ZNF385D: variants seen among roughly 807,000 people sequenced by gnomAD.
ZNF385D encodes the protein zinc finger protein 385D, also known as zinc finger protein 659.
Under a neutral mutation model 35.8 loss-of-function variants are expected in ZNF385D, and 15 were observed. That is an observed-to-expected ratio of 0.42 (90% CI 0.28 to 0.64). The LOEUF (loss-of-function observed/expected upper bound fraction) is 0.64. Among genes scored for constraint, ZNF385D ranks in the 30% least tolerant of loss-of-function variants. The probability of loss-of-function intolerance (pLI) is 0.23; values close to 1 mark genes in which losing one functional copy is unlikely to be tolerated. For missense variants in ZNF385D, 474 were observed against 494.6 expected (o/e 0.96, Z 0.39); for synonymous variants, 212 against 186.8 (o/e 1.13, Z -1.10).
chr3:22,012,850 T>C (rs1696664049), intron 3 of ZNF385D, among the ~76,000 whole-genome samples: 2 of 152,164 alleles, frequency 1.3e-5, no homozygotes, highest in Admixed American at 6.6e-5. Flanking sequence ...ATTACATTTA[T>C]TTAAAATGTT....
intron 2 of ZNF385D, among the ~76,000 whole-genome samples, chr3:22,303,634 T>G (rs1321109447): frequency 6.6e-6 from 1 of 152,192 alleles, no homozygotes; most frequent in Non-Finnish European, 1.5e-5. Flanking sequence ...TAAACCATAT[T>G]GCTATAATTA....
chr3:21,813,997 A>T (rs897867249), intron 3 of ZNF385D, among the ~76,000 whole-genome samples: 3 of 152,326 alleles, frequency 2.0e-5, no homozygotes, highest in African/African-American at 7.2e-5. Context: ...GACTAACAGC[A>T]GATCTCTCGG....
At chr3:22,003,863 T>C (rs1195710343) in intron 3 of ZNF385D, among the ~76,000 whole-genome samples, 3 of 132,534 alleles carry the variant, frequency 2.3e-5, no homozygotes, top group Non-Finnish European at 3.3e-5. Flanking sequence ...CAAGACTCCA[T>C]CCCCCCACCA....
intron 3 of ZNF385D, among the ~76,000 whole-genome samples, chr3:21,862,710 C>A (rs1697123709): frequency 6.6e-6 from 1 of 152,144 alleles, no homozygotes; most frequent in South Asian, 2.1e-4. Context: ...TCCAGGCCAG[C>A]AGCTAGCTGT....
At chr3:21,701,166 T>C (rs1373520853) in intron 1 of ZNF385D, among the ~76,000 whole-genome samples, 1 of 152,194 alleles carries the variant, frequency 6.6e-6, no homozygotes, top group Admixed American at 6.5e-5. Context: ...AGGTATGTGT[T>C]GTCCATTTTC....
At chr3:21,580,304 C>T (rs12494223) in intron 2 of ZNF385D, among the ~76,000 whole-genome samples, 30,418 of 152,042 alleles carry the variant, frequency 0.2, 3,818 homozygotes, top group Non-Finnish European at 0.28. Flanking sequence ...TTAAAGTGTT[C>T]AGAGATGAGG....
intron 3 of ZNF385D, among the ~76,000 whole-genome samples, chr3:21,819,061 T>C (rs1372655538): frequency 6.6e-6 from 1 of 152,018 alleles, no homozygotes; most frequent in Non-Finnish European, 1.5e-5. Flanking sequence ...AACAGGGCCT[T>C]GTAATTTTCT....
chr3:22,076,783 T>C (rs538429525), intron 3 of ZNF385D, among the ~76,000 whole-genome samples: 1 of 151,860 alleles, frequency 6.6e-6, no homozygotes, highest in South Asian at 2.1e-4. Context: ...AAAAATATAG[T>C]GACTTATTCT....
rs141788966 is a variant in ZNF385D, at chr3:22,020,983, T to A, written c.325+147834A>T. 3.9e-3 allele frequency among the ~76,000 whole-genome samples: 591 copies of A among 152,016 alleles called. 1 individual carries two copies. Among genetic ancestry groups the A allele is most frequent in the African/African-American group, 0.014 (561 of 41,504 alleles). On this transcript the variant is annotated intron_variant, in intron 3 of 5. Coordinates refer to the ZNF385D transcript ENST00000494108. Reference sequence around the variant, plus strand: ...ATTATGTCTTTTGCAGCAATATGGATGGAACAGGAGGCCATTATCTTAGGT... The same window carrying A: ...ATTATGTCTTTTGCAGCAATATGGAAGGAACAGGAGGCCATTATCTTAGGT...
chr3:22,047,784 T>C (rs1470600045), intron 3 of ZNF385D, among the ~76,000 whole-genome samples: 1 of 152,170 alleles, frequency 6.6e-6, no homozygotes, highest in Admixed American at 6.5e-5. Flanking sequence ...TGCCAAATCA[T>C]ATGATAATTC....
chr3:21,984,928 A>C (rs1187230843), intron 3 of ZNF385D, among the ~76,000 whole-genome samples: 2 of 148,384 alleles, frequency 1.3e-5, no homozygotes, highest in Non-Finnish European at 3.0e-5. Flanking sequence ...CTTTGAAGCA[A>C]TTGTGAATGG....
intron 3 of ZNF385D, among the ~76,000 whole-genome samples, chr3:21,762,358 C>G (rs888082899): frequency 6.6e-6 from 1 of 152,118 alleles, no homozygotes. Context: ...ATCATGCTTT[C>G]TCTTTACCCG....
rs767555449 is a variant in ZNF385D at position 21,421,276 on chromosome 3, G to T, written c.1126C>A (p.Leu376Met). 6 of 1,614,030 alleles carry T rather than the reference G, an allele frequency of 3.7e-6. No homozygotes were observed. The highest frequency in any genetic ancestry group is 4.2e-6 in the Non-Finnish European group (5 of 1,180,040). The stretch of plus-strand genomic sequence containing the variant: ...CGAATGGGTCCAGGAGCTGGCCGCA[G>T]GAGTGCCGGAGGAAGCGCGGAAGTC... The part of the protein sequence containing the change: ...FQTSALPPAL[L>M]RPAPGPIRTA... Residue 376 changes from leucine to methionine, a missense_variant, in exon 8 of 8, where the codon CTG (leucine) becomes ATG (methionine). Coordinates refer to ENST00000281523, the MANE Select transcript of ZNF385D (RefSeq NM_024697.3).
intron 2 of ZNF385D, among the ~76,000 whole-genome samples, chr3:21,569,773 T>C (rs540284629): frequency 1.3e-5 from 2 of 151,646 alleles, no homozygotes; most frequent in Admixed American, 6.6e-5. Flanking sequence ...ATGGATGAAA[T>C]TGGAAATCAT....
chr3:22,070,746 C>T (rs1290426337), intron 3 of ZNF385D, among the ~76,000 whole-genome samples: 1 of 151,936 alleles, frequency 6.6e-6, no homozygotes, highest in Non-Finnish European at 1.5e-5. Context: ...AATCTATATC[C>T]TGAGTTGTGA....
intron 1 of ZNF385D, among the ~76,000 whole-genome samples, chr3:21,745,483 C>A (rs1446992438): frequency 1.3e-5 from 2 of 152,194 alleles, no homozygotes; most frequent in African/African-American, 4.8e-5. Context: ...AACGCTGCGA[C>A]AGAGCAAAGC....
At chr3:21,714,387 C>T (rs750712231) in intron 1 of ZNF385D, among the ~76,000 whole-genome samples, 1 of 152,132 alleles carries the variant, frequency 6.6e-6, no homozygotes, top group Non-Finnish European at 1.5e-5. Flanking sequence ...CTCACTAAAA[C>T]GTCACTAAAG....
chr3:21,910,490 C>T (rs1699910407), intron 3 of ZNF385D, among the ~76,000 whole-genome samples: 1 of 151,868 alleles, frequency 6.6e-6, no homozygotes. Flanking sequence ...AAATACTAAA[C>T]AGTAGAATTT....
chr3:21,645,842 C>A (rs932393027), intron 2 of ZNF385D, among the ~76,000 whole-genome samples: 2 of 152,106 alleles, frequency 1.3e-5, no homozygotes, highest in African/African-American at 4.8e-5. Context: ...TTCAGTTGAC[C>A]TTTTCTAGGT....
Sources: gnomAD v4.1 joint callset for allele counts (sites outside exome capture counted in the v4.1 genomes callset) on GRCh38, gnomAD v4.1.1 for gene constraint, MANE v1.5 for transcripts, NCBI Gene and HGNC (gene_info 2026-07-23, HGNC 2026-07-21) for gene names.